Variants in CCDC171 observed in about 807,000 individuals in gnomAD.
CCDC171 encodes the protein coiled-coil domain containing 171.
Under a neutral mutation model 168.2 loss-of-function variants are expected in CCDC171, and 177 were observed. The observed-to-expected ratio is 1.05, with a 90% confidence interval of 0.93 to 1.19. The LOEUF (loss-of-function observed/expected upper bound fraction) is 1.19. Among genes scored for constraint, CCDC171 ranks in the 50% most tolerant of loss-of-function variants. The pLI is 0.00. For missense variants in CCDC171, 1,991 were observed against 1,539.0 expected (o/e 1.29, Z -4.91); for synonymous variants, 687 against 540.8 (o/e 1.27, Z -3.75).
chr9:15,657,092 A>G lies in CCDC171; in HGVS notation c.823-35A>G, dbSNP rs189831511. Reference sequence around the variant, plus strand: ...TGATCCATATCTTCTTTAAATACCAATGTTTATGAATTTAAACTTTTAATT... The same window carrying G: ...TGATCCATATCTTCTTTAAATACCAGTGTTTATGAATTTAAACTTTTAATT... On this transcript the variant is annotated intron_variant, in intron 7 of 25. Transcript: ENST00000380701. 4,914 of 1,241,108 alleles carry G rather than the reference A, an allele frequency of 4.0e-3. 40 individuals are homozygous for G. The highest frequency in any genetic ancestry group is 0.02 in the South Asian group (1,488 of 75,338). The allele number at this position is 1,241,108 out of a possible 1,614,324, so 76.9% of individuals were successfully genotyped here.
chr9:16,079,880 C>G, the CCDC171 span, among the ~76,000 whole-genome samples: 1 of 152,124 alleles, frequency 6.6e-6, no homozygotes, highest in Non-Finnish European at 1.5e-5. Flanking sequence ...CTTAAGAATC[C>G]TAGAAAGTAG....
At chr9:15,811,364 A>G (rs905113599) in intron 21 of CCDC171, among the ~76,000 whole-genome samples, 1 of 152,222 alleles carries the variant, frequency 6.6e-6, no homozygotes, top group Non-Finnish European at 1.5e-5. Flanking sequence ...TAAATATGGA[A>G]AATATAGTAT....
chr9:15,971,033 G>A (rs1335464747), intron 25 of CCDC171, among the ~76,000 whole-genome samples: 2 of 152,008 alleles, frequency 1.3e-5, no homozygotes, highest in South Asian at 2.1e-4. Context: ...AAACAGGGTG[G>A]TGGCATTATT....
chr9:15,934,425 G>T (rs975747752), intron 25 of CCDC171, among the ~76,000 whole-genome samples: 2 of 149,532 alleles, frequency 1.3e-5, no homozygotes, highest in Admixed American at 1.3e-4. Flanking sequence ...AGAAAGAAAA[G>T]GAAAAAAGAA....
intron 9 of CCDC171, among the ~76,000 whole-genome samples, chr9:15,671,528 G>T (rs538121574): frequency 1.0e-4 from 14 of 138,764 alleles, no homozygotes; most frequent in African/African-American, 3.5e-4. Flanking sequence ...CCCCTGCCAG[G>T]CCCCAGTGTG....
chr9:15,808,627 G>A (rs2059181910), intron 21 of CCDC171, among the ~76,000 whole-genome samples: 1 of 152,178 alleles, frequency 6.6e-6, no homozygotes, highest in Admixed American at 6.5e-5. Context: ...AGAGCAGGGT[G>A]CCTCAGTGAT....
At chr9:15,642,362 T>TATATATATATATAC (rs2046701898) in intron 7 of CCDC171, among the ~76,000 whole-genome samples, 2 of 45,074 alleles carry the variant, frequency 4.4e-5, no homozygotes, top group African/African-American at 1.0e-4. Flanking sequence ...TATATATATA[T>TATATATATATATAC]ATATATATAT....
chr9:15,969,932 A>G (rs1457548818), intron 25 of CCDC171, among the ~76,000 whole-genome samples: 1 of 152,204 alleles, frequency 6.6e-6, no homozygotes, highest in Non-Finnish European at 1.5e-5. Flanking sequence ...GATCAGGCCC[A>G]GCATTAAGGT....
At chr9:15,839,330 A>G (rs1164161441) in intron 21 of CCDC171, among the ~76,000 whole-genome samples, 1 of 152,180 alleles carries the variant, frequency 6.6e-6, no homozygotes, top group African/African-American at 2.4e-5. Flanking sequence ...TATTGGTTTT[A>G]CATTTCCATG....
chr9:16,083,302 T>C, the CCDC171 span, among the ~76,000 whole-genome samples: 1 of 152,150 alleles, frequency 6.6e-6, no homozygotes, highest in South Asian at 2.1e-4. Flanking sequence ...ACCACACAAC[T>C]CAGGGAAGCA....
chr9:15,987,829 C>G (rs1049463173), intron 3 of CCDC171, among the ~76,000 whole-genome samples: 1 of 148,356 alleles, frequency 6.7e-6, no homozygotes, highest in South Asian at 2.2e-4. Flanking sequence ...AGTCTAAACA[C>G]AAAATTCATT....
intron 3 of CCDC171, among the ~76,000 whole-genome samples, chr9:16,011,718 C>A (rs1459265262): frequency 1.3e-5 from 2 of 152,108 alleles, no homozygotes; most frequent in Admixed American, 6.5e-5. Flanking sequence ...TGGTTTAGGG[C>A]AGGATAAAAA....
chr9:15,698,295 G>T (rs10962118), intron 11 of CCDC171, among the ~76,000 whole-genome samples: 68,650 of 151,654 alleles, frequency 0.45, 15,857 homozygotes, highest in Non-Finnish European at 0.51. Context: ...GCCGAGGGGG[G>T]TGGATCACGA....
rs768385655 is a variant in CCDC171 at position 15,777,797 on chromosome 9, T to C, written c.2869T>C (p.Tyr957His). ...LHKVNTLALK[Y>H]GLRGHVPITK... ...TAAAGTAAACACACTGGCCCTGAAATATGGTTTGCGTGGCCATGTGCCCAT... is the reference window on the plus strand; with the variant it reads ...TAAAGTAAACACACTGGCCCTGAAACATGGTTTGCGTGGCCATGTGCCCAT... Residue 957 changes from tyrosine (Y) to histidine (H), a missense_variant, in exon 19 of 26, where the codon TAT becomes CAT. Physicochemically the swap from Tyr to His is moderately conservative, Grantham distance 83. Coordinates refer to ENST00000380701, the MANE Select transcript of CCDC171 (RefSeq NM_173550.4). 6.2e-7 allele frequency: 1 copy of C among 1,611,496 alleles called. No homozygotes were observed. The highest frequency in any genetic ancestry group is 8.5e-7 in the Non-Finnish European group (1 of 1,179,392).
intron 10 of CCDC171, among the ~76,000 whole-genome samples, chr9:15,691,250 A>G (rs1354214014): frequency 1.3e-5 from 2 of 152,018 alleles, no homozygotes; most frequent in Non-Finnish European, 2.9e-5. Flanking sequence ...CATCTGACCA[A>G]TGGAGTACTA....
the CCDC171 span, among the ~76,000 whole-genome samples, chr9:16,095,311 T>G: frequency 6.6e-6 from 1 of 152,126 alleles, no homozygotes; most frequent in Non-Finnish European, 1.5e-5. Context: ...TACATTCACA[T>G]ACGGGCCCAT....
chr9:15,962,473 C>G (rs1830439509), intron 25 of CCDC171, among the ~76,000 whole-genome samples: 1 of 152,108 alleles, frequency 6.6e-6, no homozygotes, highest in African/African-American at 2.4e-5. Flanking sequence ...TCCAATGGTT[C>G]TATCAATTTA....
chr9:15,596,474 TGAGG>T (rs2042368299), intron 6 of CCDC171, among the ~76,000 whole-genome samples: 1 of 152,202 alleles, frequency 6.6e-6, no homozygotes, highest in Non-Finnish European at 1.5e-5. Context: ...CTATTATTTC[TGAGG>T]GCTCTGTTCT....
At chr9:15,967,764 C>G (rs539419703) in intron 25 of CCDC171, among the ~76,000 whole-genome samples, 2 of 152,172 alleles carry the variant, frequency 1.3e-5, no homozygotes, top group Non-Finnish European at 2.9e-5. Context: ...TTAGCATAAT[C>G]TCCATGCAAT....
Sources: gnomAD v4.1 joint callset for allele counts (sites outside exome capture counted in the v4.1 genomes callset) on GRCh38, gnomAD v4.1.1 for gene constraint, MANE v1.5 for transcripts, NCBI Gene and HGNC (gene_info 2026-07-23, HGNC 2026-07-21) for gene names.